The following MAP2K5 variants were observed in gnomAD, a reference collection of about 807,000 sequenced individuals.
MAP2K5 encodes the protein mitogen-activated protein kinase kinase 5.
In MAP2K5, 49 loss-of-function variants were observed where a neutral mutation model predicts 83.1. That is an observed-to-expected ratio of 0.59 (90% CI 0.47 to 0.75). MAP2K5 has a LOEUF of 0.75. MAP2K5 is among the 30% of genes least tolerant of loss of function. The pLI, the probability that MAP2K5 is intolerant of heterozygous loss-of-function variation, is 0.00. For synonymous variants in MAP2K5, 202 were observed against 191.8 expected, an observed-to-expected ratio of 1.05 and a Z score of -0.44; for missense variants, 457 against 557.5, an observed-to-expected ratio of 0.82 and a Z score of 1.82.
Position 67,665,945 on chromosome 15 carries a change from A to G in MAP2K5, c.847+1300A>G, listed in dbSNP as rs1567346245. 6.6e-6 allele frequency among the ~76,000 whole-genome samples: 1 copy of G among 152,096 alleles called. No homozygotes were observed. The highest frequency in any genetic ancestry group is 1.5e-5 in the Non-Finnish European group (1 of 68,006). On this transcript the variant is annotated intron_variant, in intron 13 of 21. Transcript: ENST00000178640. This position sits in a 1 kb window ranked among gnomAD's most constrained non-coding sequence, Gnocchi z 4.2. ...TATTGTTTCTATTCCCTGTACTCCT[A>G]CCTCCGCACACCCAGCTACCGGTAA...
intron 11 of MAP2K5, 137 bp downstream of exon 11, chr15:67,646,606 A>G (rs2086080855): frequency 6.0e-6 from 3 of 496,748 alleles, no homozygotes; most frequent in Non-Finnish European, 1.0e-5. Context: ...ATACTCTAAG[A>G]TTATTTCAGT....
intron 8 of MAP2K5, among the ~76,000 whole-genome samples, chr15:67,602,168 G>C (rs1018599829): frequency 6.6e-6 from 1 of 152,050 alleles, no homozygotes; most frequent in Non-Finnish European, 1.5e-5. Context: ...CACTATAAAC[G>C]GTATCTTTTC....
Position 67,770,311 on chromosome 15 carries a change from C to CT in MAP2K5, c.1196+653dup, listed in dbSNP as rs1445919818. On this transcript the variant is annotated intron_variant, in intron 20 of 21. Coordinates refer to ENST00000178640, the MANE Select transcript of MAP2K5 (RefSeq NM_145160.3). The surrounding 1 kb of genome is among the most constrained non-coding windows in gnomAD (Gnocchi z 5.0). The stretch of plus-strand genomic sequence containing the variant: ...CAAGGGTTCTTTGCCAGCCTTCTGC[C>CT]TTTTTCCTCCTAGCAGAACGCAGAT... 6.6e-6 allele frequency among the ~76,000 whole-genome samples: 1 copy of CT among 152,184 alleles called. No individual in the cohort carries two copies. Among genetic ancestry groups the CT allele is most frequent in the Admixed American group, 6.5e-5 (1 of 15,286 alleles).
chr15:67,751,947 C>T (rs930369394), intron 19 of MAP2K5, among the ~76,000 whole-genome samples: 1 of 152,206 alleles, frequency 6.6e-6, no homozygotes, highest in African/African-American at 2.4e-5. Context: ...AGTGCTTTTC[C>T]TGTGCCCTCT....
chr15:67,728,104 T>G (rs2089140622), intron 17 of MAP2K5, among the ~76,000 whole-genome samples, 159 bp downstream of exon 17: 1 of 152,208 alleles, frequency 6.6e-6, no homozygotes, highest in Admixed American at 6.5e-5. Context: ...TCTCTATTGA[T>G]TTTTGATTTT....
intron 9 of MAP2K5, chr15:67,642,593 C>A: frequency 1.3e-6 from 1 of 768,588 alleles, no homozygotes; most frequent in Non-Finnish European, 2.4e-6. Context: ...AGGAAGCACA[C>A]CCCAAGTACA....
At chr15:67,756,224 G>A (rs1164882697) in intron 19 of MAP2K5, among the ~76,000 whole-genome samples, 1 of 152,190 alleles carries the variant, frequency 6.6e-6, no homozygotes, top group African/African-American at 2.4e-5. Context: ...CCTGATTGAA[G>A]GAGACTGCCC....
At chr15:67,688,377 A>G (rs1477173795) in intron 13 of MAP2K5, among the ~76,000 whole-genome samples, 2 of 152,258 alleles carry the variant, frequency 1.3e-5, no homozygotes, top group East Asian at 1.9e-4. Context: ...TGTTGAACAC[A>G]AACTATAATA....
In MAP2K5 at chr15:67,586,918, G is replaced by A. The variant is rs2085303890; in HGVS notation, c.431+5G>A. Reference sequence around the variant, plus strand: ...AGATTCACTTCCAAGCAATAGGTGCGAGCGAGCAAGTAAAGTGTGCCCTTG... The same window carrying A: ...AGATTCACTTCCAAGCAATAGGTGCAAGCGAGCAAGTAAAGTGTGCCCTTG... On this transcript the variant is annotated splice_donor_5th_base_variant and intron_variant, in intron 6 of 21. Coordinates refer to ENST00000178640, the MANE Select transcript of MAP2K5 (RefSeq NM_145160.3). 5.6e-6 allele frequency: 9 copies of A among 1,614,048 alleles called. No individual in the cohort carries two copies. The highest frequency in any genetic ancestry group is 7.6e-6 in the Non-Finnish European group (9 of 1,179,942).
chr15:67,748,215 T>C lies in MAP2K5; in HGVS notation c.1075-16T>C. 2 of 1,591,968 alleles carry C rather than the reference T, an allele frequency of 1.3e-6. No individual in the cohort carries two copies. The highest frequency in any genetic ancestry group is 1.7e-6 in the Non-Finnish European group (2 of 1,160,574). On this transcript the variant is annotated splice_polypyrimidine_tract_variant and intron_variant, in intron 17 of 21. Coordinates refer to ENST00000178640, the MANE Select transcript of MAP2K5 (RefSeq NM_145160.3). This position sits in a 1 kb window ranked among gnomAD's most constrained non-coding sequence, Gnocchi z 4.0. ...TTTTGATTATGACATGCTAATTACA[T>C]ATTGCCTTTTTTCAGATTCAGAAAA...
At chr15:67,611,867 G>A (rs2085931590) in intron 8 of MAP2K5, among the ~76,000 whole-genome samples, 1 of 152,134 alleles carries the variant, frequency 6.6e-6, no homozygotes. Context: ...TACTTCAGCT[G>A]TACTTTGAAT....
Position 67,750,374 on chromosome 15 carries a change from A to G in MAP2K5, c.1134+1773A>G, listed in dbSNP as rs920650473. ...TGAGCTGATATTCTGCAATAAAAGT[A>G]TTAGGAAAGGATTGGCCAGATGACC... On this transcript the variant is annotated intron_variant, in intron 19 of 21. Coordinates refer to ENST00000178640, the MANE Select transcript of MAP2K5 (RefSeq NM_145160.3). The surrounding 1 kb of genome is among the most constrained non-coding windows in gnomAD (Gnocchi z 4.2). Among the ~76,000 whole-genome samples, 2 of 152,226 alleles carry G rather than the reference A, an allele frequency of 1.3e-5. No homozygotes were observed. Among genetic ancestry groups the G allele is most frequent in the African/African-American group, 2.4e-5 (1 of 41,464 alleles).
intron 2 of MAP2K5, among the ~76,000 whole-genome samples, chr15:67,551,880 G>A (rs767793040): frequency 4.0e-5 from 6 of 148,908 alleles, no homozygotes; most frequent in Non-Finnish European, 8.9e-5. Flanking sequence ...TTTTACATTT[G>A]TACGGAAAGA....
In MAP2K5 at chr15:67,720,939, C is replaced by A. The variant is rs1329782381; in HGVS notation, c.1045-6977C>A. ...TGCCCAGGTTGAGACCTCAATGTATCACGCTTTTCAGCATTCATGGTTAGG... is the reference window on the plus strand; with the variant it reads ...TGCCCAGGTTGAGACCTCAATGTATAACGCTTTTCAGCATTCATGGTTAGG... On this transcript the variant is annotated intron_variant, in intron 16 of 21. Transcript: ENST00000178640. This position sits in a 1 kb window ranked among gnomAD's most constrained non-coding sequence, Gnocchi z 5.7. Among the ~76,000 whole-genome samples the A allele has an allele frequency of 6.6e-6, 1 of 152,156 alleles. No individual in the cohort carries two copies. Among genetic ancestry groups the A allele is most frequent in the Non-Finnish European group, 1.5e-5 (1 of 68,024 alleles).
rs780831605 is a variant in MAP2K5, at chr15:67,749,597, CAT to C, written c.1134+999_1134+1000del. On this transcript the variant is annotated intron_variant, in intron 19 of 21. Transcript: ENST00000178640. The surrounding 1 kb of genome is among the most constrained non-coding windows in gnomAD (Gnocchi z 4.6). Reference sequence around the variant, plus strand: ...TAGGAAAAAAATAAACACACACACACATATCACAATAATAGTAAGAGTGGGGC... The same window carrying C: ...TAGGAAAAAAATAAACACACACACACATCACAATAATAGTAAGAGTGGGGC... 3.9e-5 allele frequency among the ~76,000 whole-genome samples: 6 copies of C among 152,122 alleles called. No homozygotes were observed. The highest frequency in any genetic ancestry group is 8.8e-5 in the Non-Finnish European group (6 of 68,022).
At chr15:67,642,502 G>A (rs560568432) in intron 9 of MAP2K5, 34 of 1,454,962 alleles carry the variant, frequency 2.3e-5, no homozygotes, top group Middle Eastern at 3.5e-4. Flanking sequence ...TTTGAGGTGA[G>A]CTTCATGGAG....
In MAP2K5 at chr15:67,628,955, T is replaced by C. The variant is rs1483020679; in HGVS notation, c.546-1933T>C. On this transcript the variant is annotated intron_variant, in intron 8 of 21. Coordinates refer to ENST00000178640, the MANE Select transcript of MAP2K5 (RefSeq NM_145160.3). ...ATTTTGGAGGTGGTGGAAGCTACAA[T>C]GATTTTGGCAATTTCAACAATCAGT... The C allele has an allele frequency of 3.9e-6, 3 of 763,666 alleles. No individual in the cohort carries two copies. The Admixed American group carries it at 5.1e-5, about 13-fold the overall frequency. 47.3% of individuals were successfully genotyped at this position (763,666 alleles called of 1,614,324 possible).
rs1178878729 is a variant in MAP2K5 at position 67,722,082 on chromosome 15, T to A, written c.1045-5834T>A. The stretch of plus-strand genomic sequence containing the variant: ...GAGGGTCCCAAAGGTTATTAGGGCA[T>A]GTTTCTGTTAGGCCTGATGGTGTTA... On this transcript the variant is annotated intron_variant, in intron 16 of 21. Transcript: ENST00000178640. The surrounding 1 kb of genome is among the most constrained non-coding windows in gnomAD (Gnocchi z 4.2). 6.6e-6 allele frequency among the ~76,000 whole-genome samples: 1 copy of A among 152,184 alleles called. No homozygotes were observed. The highest frequency in any genetic ancestry group is 2.4e-5 in the African/African-American group (1 of 41,448).
Position 67,644,600 on chromosome 15 carries a change from A to G in MAP2K5, c.586-1631A>G, listed in dbSNP as rs554838796. On this transcript the variant is annotated intron_variant, in intron 9 of 21. Transcript: ENST00000178640. This position sits in a 1 kb window ranked among gnomAD's most constrained non-coding sequence, Gnocchi z 4.6. ...TATCACTCAGTGATTGATATTTTAAATAAACCATAAAGTACTGAAAAGCCC... is the reference window on the plus strand; with the variant it reads ...TATCACTCAGTGATTGATATTTTAAGTAAACCATAAAGTACTGAAAAGCCC... 4.1e-3 allele frequency among the ~76,000 whole-genome samples: 619 copies of G among 152,214 alleles called. 5 individuals carry two copies. The highest frequency in any genetic ancestry group is 0.014 in the African/African-American group (574 of 41,538).
Sources: allele counts gnomAD v4.1 joint callset (sites outside exome capture counted in the v4.1 genomes callset), GRCh38; gene constraint gnomAD v4.1.1; non-coding constraint Gnocchi (gnomAD v3.1); transcripts MANE v1.5; gene names NCBI Gene and HGNC (gene_info 2026-07-23, HGNC 2026-07-21).